Variants in ZNF804A observed in about 807,000 individuals in gnomAD.
ZNF804A encodes zinc finger protein 804A.
ZNF804A carries 2 observed loss-of-function variants against 16.5 expected under a neutral mutation model. The observed-to-expected ratio is 0.12, with a 90% CI of 0.05 to 0.38. ZNF804A has a LOEUF of 0.38. ZNF804A is among the 10% of genes least tolerant of loss of function. The pLI, the probability that ZNF804A is intolerant of heterozygous loss-of-function variation, is 0.99. For synonymous variants in ZNF804A, 534 were observed against 489.6 expected, an observed-to-expected ratio of 1.09 and a Z score of -1.20; for missense variants, 1,473 against 1,390.7, an observed-to-expected ratio of 1.06 and a Z score of -0.94.
intron 1 of ZNF804A, among the ~76,000 whole-genome samples, chr2:184,672,954 G>GGCCA (rs1692360805): frequency 1.3e-5 from 2 of 151,864 alleles, no homozygotes; most frequent in Non-Finnish European, 2.9e-5. Flanking sequence ...ATTGACTATT[G>GGCCA]GCCAGGCTGG....
chr2:184,777,003 G>C (rs1694298750), intron 1 of ZNF804A, among the ~76,000 whole-genome samples: 1 of 151,556 alleles, frequency 6.6e-6, no homozygotes, highest in South Asian at 2.1e-4. Flanking sequence ...CCACAGCTCT[G>C]TTTCTTGCAG....
At chr2:184,800,917 T>C (rs1462488339) in intron 1 of ZNF804A, among the ~76,000 whole-genome samples, 2 of 152,106 alleles carry the variant, frequency 1.3e-5, no homozygotes, top group African/African-American at 4.8e-5. Context: ...ATTAGATGCA[T>C]TTTTTAAATG....
intron 1 of ZNF804A, among the ~76,000 whole-genome samples, chr2:184,701,285 G>A (rs1334561566): frequency 1.3e-5 from 2 of 151,882 alleles, no homozygotes; most frequent in Non-Finnish European, 2.9e-5. Context: ...AAGACTTGAA[G>A]TGTTTCCAGG....
intron 1 of ZNF804A, among the ~76,000 whole-genome samples, chr2:184,718,505 C>T (rs1358614956): frequency 1.3e-5 from 2 of 152,100 alleles, no homozygotes; most frequent in African/African-American, 4.8e-5. Flanking sequence ...TACCTATGAG[C>T]CTATGAAATA....
chr2:184,752,331 G>T (rs1693888902), intron 1 of ZNF804A, among the ~76,000 whole-genome samples: 1 of 151,490 alleles, frequency 6.6e-6, no homozygotes, highest in African/African-American at 2.4e-5. Context: ...CTTTGCAGGA[G>T]CATGGATGGA....
rs150003857 is a variant in ZNF804A at position 184,755,691 on chromosome 2, G to A, written c.112-110678G>A. On this transcript the variant is annotated intron_variant, in intron 1 of 3. Transcript: ENST00000302277. ...TGAATCACAACACACCTGATTTTTA[G>A]CAATGAATATTTTTAAAGCCCATTT... Among the ~76,000 whole-genome samples the A allele has an allele frequency of 3.3e-5, 5 of 152,018 alleles. No homozygotes were observed. In the South Asian group the frequency reaches 1.0e-3, roughly 32 times the overall value.
At chr2:184,829,923 C>CAA (rs1558974950) in intron 1 of ZNF804A, among the ~76,000 whole-genome samples, 3 of 66,464 alleles carry the variant, frequency 4.5e-5, no homozygotes, top group Non-Finnish European at 8.5e-5. Context: ...AAAAAAAAAA[C>CAA]AAAAACAAAA....
chr2:184,877,994 A>G (rs1684735915), intron 2 of ZNF804A, among the ~76,000 whole-genome samples: 1 of 152,100 alleles, frequency 6.6e-6, no homozygotes, highest in Admixed American at 6.6e-5. Flanking sequence ...ACAAAGATAC[A>G]AAGAAAGTAG....
At chr2:184,771,372 G>T (rs1001729823) in intron 1 of ZNF804A, among the ~76,000 whole-genome samples, 1 of 151,824 alleles carries the variant, frequency 6.6e-6, no homozygotes, top group Non-Finnish European at 1.5e-5. Context: ...GTTTCTGTAC[G>T]TCAGGTGTCC....
chr2:184,803,322 C>CA (rs1373614647), intron 1 of ZNF804A, among the ~76,000 whole-genome samples: 2 of 152,218 alleles, frequency 1.3e-5, no homozygotes, highest in African/African-American at 4.8e-5. Context: ...CCCTGACTGC[C>CA]ATATTTATAA....
At chr2:184,792,235 C>T (rs535645843) in intron 1 of ZNF804A, among the ~76,000 whole-genome samples, 34 of 152,060 alleles carry the variant, frequency 2.2e-4, no homozygotes, top group Non-Finnish European at 4.3e-4. Flanking sequence ...TGTAAGAAAC[C>T]ACTGAACTGT....
At chr2:184,874,655 A>T (rs1030994913) in intron 2 of ZNF804A, among the ~76,000 whole-genome samples, 1 of 152,122 alleles carries the variant, frequency 6.6e-6, no homozygotes, top group African/African-American at 2.4e-5. Context: ...GTTAAACTTT[A>T]ATCAATATTA....
intron 1 of ZNF804A, among the ~76,000 whole-genome samples, chr2:184,626,480 G>T (rs192474156): frequency 2.6e-5 from 4 of 152,160 alleles, no homozygotes; most frequent in African/African-American, 7.2e-5. Context: ...ATTTGGAAAA[G>T]AATTTTTTCT....
intron 1 of ZNF804A, among the ~76,000 whole-genome samples, chr2:184,676,281 G>A (rs929643491): frequency 6.9e-6 from 1 of 143,958 alleles, no homozygotes; most frequent in African/African-American, 2.7e-5. Context: ...CTAGGATATA[G>A]ATATCTTGCT....
chr2:184,897,645 T>A (rs1685109319), intron 2 of ZNF804A, among the ~76,000 whole-genome samples: 2 of 152,152 alleles, frequency 1.3e-5, no homozygotes, highest in African/African-American at 4.8e-5. Flanking sequence ...TTTATTTCAA[T>A]CATTAATTTA....
At chr2:184,860,569 C>T (rs997100341) in intron 1 of ZNF804A, among the ~76,000 whole-genome samples, 2 of 152,150 alleles carry the variant, frequency 1.3e-5, no homozygotes, top group Admixed American at 6.5e-5. Context: ...GAGCCTGAGA[C>T]TACTGGGATC....
intron 1 of ZNF804A, among the ~76,000 whole-genome samples, chr2:184,723,249 G>A (rs915422912): frequency 4.0e-5 from 6 of 151,838 alleles, no homozygotes; most frequent in Admixed American, 3.3e-4. Flanking sequence ...TTATATGATA[G>A]AAATTTTAAA....
At chr2:184,743,892 T>C (rs1693743562) in intron 1 of ZNF804A, among the ~76,000 whole-genome samples, 1 of 151,978 alleles carries the variant, frequency 6.6e-6, no homozygotes, top group African/African-American at 2.4e-5. Flanking sequence ...TATAAAAGCC[T>C]AAGGTGAAGG....
chr2:184,742,854 G>GTCTA (rs1218034590), intron 1 of ZNF804A, among the ~76,000 whole-genome samples: 3 of 151,812 alleles, frequency 2.0e-5, no homozygotes, highest in Admixed American at 6.6e-5. Flanking sequence ...AGACGTAGGA[G>GTCTA]TCTAATAGGA....
Sources: gnomAD v4.1 joint callset for allele counts (sites outside exome capture counted in the v4.1 genomes callset) on GRCh38, gnomAD v4.1.1 for gene constraint, MANE v1.5 for transcripts, NCBI Gene and HGNC (gene_info 2026-07-23, HGNC 2026-07-21) for gene names.